Variants in RNF14 observed in about 807,000 individuals in gnomAD.
RNF14 encodes the protein E3 ubiquitin-protein ligase RNF14.
In RNF14, 26 loss-of-function variants were observed where a neutral mutation model predicts 52.6. The observed-to-expected ratio is 0.49, with a 90% confidence interval of 0.36 to 0.69. RNF14 has a LOEUF of 0.69. RNF14 is among the 30% of genes least tolerant of loss of function. The pLI, the probability that RNF14 is intolerant of heterozygous loss-of-function variation, is 0.00. For missense variants in RNF14, 404 were observed against 560.4 expected, an observed-to-expected ratio of 0.72 and a Z score of 2.82; for synonymous variants, 194 against 202.0, an observed-to-expected ratio of 0.96 and a Z score of 0.34.
chr5:141,984,727 C>G lies in RNF14; in HGVS notation c.1237-76C>G, dbSNP rs1237599281. 7 of 1,392,552 alleles carry G rather than the reference C, an allele frequency of 5.0e-6. No homozygotes were observed. The South Asian group carries it at 7.2e-5, about 14-fold the overall frequency. The allele number at this position is 1,392,552 out of a possible 1,614,324, so 86.3% of individuals were successfully genotyped here. ...GGGAGAGGACCAAGACAATGTTGTA[C>G]TGAATCATTTTGGCATGTGCTGTCT... On this transcript the variant is annotated intron_variant, in intron 7 of 8. Coordinates refer to ENST00000394520, the MANE Select transcript of RNF14 (RefSeq NM_004290.5).
upstream of RNF14, chr5:141,955,617 C>T: frequency 6.2e-7 from 1 of 1,611,594 alleles, no homozygotes; most frequent in Non-Finnish European, 8.5e-7. This position sits in a 1 kb window ranked among gnomAD's most constrained non-coding sequence, Gnocchi z 5.5. Flanking sequence ...CCCTGTTGTC[C>T]TTCTTTTCTG....
At chr5:141,964,672 G>C (rs548152329), upstream of RNF14, among the ~76,000 whole-genome samples, 224 of 152,142 alleles carry the variant, frequency 1.5e-3, no homozygotes, top group Non-Finnish European at 2.3e-3. Flanking sequence ...GGAGTGCAAT[G>C]GTGCGATCTG....
chr5:141,978,779 A>G lies in RNF14; in HGVS notation c.783A>G (p.Gln261=), dbSNP rs765963956. The change falls in exon 5 of 9, where the codon CAA becomes CAG. Residue 261 remains glutamine (Q), a synonymous_variant. Transcript: ENST00000394520. ...FEIQIRDGQV[Q]CLNCPEPKCP... ...TCCAGATCAGAGATGGCCAGGTTCA[A>G]TGCCTCAACTGCCCAGAACCAAAGT... 1.7e-5 allele frequency: 27 copies of G among 1,613,888 alleles called. No homozygotes were observed. Among genetic ancestry groups the G allele is most frequent in the Middle Eastern group, 3.3e-4 (2 of 6,078 alleles).
chr5:141,976,680 T>TC, intron 4 of RNF14, among the ~76,000 whole-genome samples: 1 of 152,196 alleles, frequency 6.6e-6, no homozygotes, highest in African/African-American at 2.4e-5. Context: ...GTTTTAGTTT[T>TC]CTAAAACCTT....
chr5:141,949,974 G>A, the RNF14 span, among the ~76,000 whole-genome samples: 1 of 152,298 alleles, frequency 6.6e-6, no homozygotes, highest in East Asian at 1.9e-4. Context: ...AAACCTCAGT[G>A]GAGCCAGTGC....
upstream of RNF14, among the ~76,000 whole-genome samples, chr5:141,962,867 G>A (rs1753286116): frequency 6.6e-6 from 1 of 152,090 alleles, no homozygotes; most frequent in Non-Finnish European, 1.5e-5. Flanking sequence ...ACTACTTCTG[G>A]TGTACAGATT....
intron 1 of RNF14, among the ~76,000 whole-genome samples, chr5:141,961,628 AT>A (rs530761478): frequency 3.9e-5 from 6 of 152,112 alleles, no homozygotes; most frequent in South Asian, 2.1e-4. Context: ...AGTCCAAAAT[AT>A]TTTTTTTAAA....
At chr5:141,970,336 G>A (rs1753635767) in intron 1 of RNF14, among the ~76,000 whole-genome samples, 1 of 152,124 alleles carries the variant, frequency 6.6e-6, no homozygotes, top group Admixed American at 6.6e-5. Flanking sequence ...AAACTGGAGG[G>A]GAGTGGCAAA....
In RNF14 at chr5:141,987,696, C is replaced by T. The variant is rs536594622; in HGVS notation, c.1368-37C>T. 36 of 1,600,294 alleles carry T rather than the reference C, an allele frequency of 2.2e-5. No individual in the cohort carries two copies. The South Asian group carries it at 3.6e-4, about 16-fold the overall frequency. ...GAGAGGCAATTTATATTGTTTCGTTCAAGTGTATAAAAATGTACCTTTTTT... is the reference window on the plus strand; with the variant it reads ...GAGAGGCAATTTATATTGTTTCGTTTAAGTGTATAAAAATGTACCTTTTTT... On this transcript the variant is annotated intron_variant, in intron 8 of 8. Transcript: ENST00000394520.
chr5:141,980,184 C>T lies in RNF14; in HGVS notation c.896C>T (p.Ser299Phe), dbSNP rs1476775454. 1.9e-6 allele frequency: 3 copies of T among 1,614,124 alleles called. No individual in the cohort carries two copies. Among genetic ancestry groups the T allele is most frequent in the Admixed American group, 3.3e-5 (2 of 60,006 alleles). The change falls in exon 6 of 9, where the codon TCC becomes TTC. Residue 299 changes from serine to phenylalanine, a missense_variant. Ser to Phe is a radical substitution (Grantham distance 155, BLOSUM62 -2). Transcript: ENST00000394520. The part of the protein sequence containing the change: ...ARYDRLLLQS[S>F]LDLMADVVYC... The stretch of plus-strand genomic sequence containing the variant: ...TATGACCGCCTTCTCCTCCAGTCCT[C>T]CTTGGACCTGATGGCAGATGTGGTG...
chr5:141,976,776 C>G (rs1219535379), intron 4 of RNF14, among the ~76,000 whole-genome samples: 4 of 100,080 alleles, frequency 4.0e-5, no homozygotes. Flanking sequence ...CTTTCTCTCT[C>G]TTTTTTTTTT....
chr5:141,983,484 G>GA lies in RNF14; in HGVS notation c.1169dup (p.Met391AspfsTer4). 1 of 1,613,436 alleles carries GA rather than the reference G, an allele frequency of 6.2e-7. No homozygotes were observed. The highest frequency in any genetic ancestry group is 8.5e-7 in the Non-Finnish European group (1 of 1,179,974). ...GAGAGTGATTCAGAAGGCACTGGAAGAGATGGAAAGTAAGGAGTGGCTAGA... is the reference window on the plus strand; with the variant it reads ...GAGAGTGATTCAGAAGGCACTGGAAGAAGATGGAAAGTAAGGAGTGGCTAGA... On this transcript the variant is annotated frameshift_variant, in exon 7 of 9. Transcript: ENST00000394520. LOFTEE classifies it high-confidence loss of function.
intron 7 of RNF14, among the ~76,000 whole-genome samples, chr5:141,983,911 C>T (rs1755003673): frequency 6.6e-6 from 1 of 151,952 alleles, no homozygotes; most frequent in African/African-American, 2.4e-5. Context: ...ATGCTGCACA[C>T]CTGTTTAAGA....
At chr5:141,973,840 G>C (rs1754012417) in intron 3 of RNF14, 98 bp downstream of exon 3, 4 of 1,045,638 alleles carry the variant, frequency 3.8e-6, no homozygotes, top group Middle Eastern at 3.2e-4. Context: ...ATTAGTGATA[G>C]GTGGTAGTAT....
chr5:141,973,715 C>T lies in RNF14; in HGVS notation c.127C>T (p.Pro43Ser). The T allele has an allele frequency of 6.2e-7, 1 of 1,608,522 alleles. No homozygotes were observed. The highest frequency in any genetic ancestry group is 8.5e-7 in the Non-Finnish European group (1 of 1,178,350). ...AGAAACCAGGATCTATTTGGATTTG[C>T]CACAGAATTTCAAGATATTTGTGAG... ...GGETRIYLDL[P>S]QNFKIFVSGN... The change falls in exon 3 of 9, where the codon CCA becomes TCA. Residue 43 changes from proline (P) to serine (S), a missense_variant. By Grantham distance (74) the Pro-to-Ser change is moderately conservative. Transcript: ENST00000394520.
Position 141,976,932 on chromosome 5 carries a change from G to T in RNF14, c.307-1371G>T, listed in dbSNP as rs534112302. 6.2e-4 allele frequency among the ~76,000 whole-genome samples: 95 copies of T among 152,140 alleles called. 1 individual carries two copies. Among genetic ancestry groups the T allele is most frequent in the Non-Finnish European group, 7.8e-4 (53 of 67,974 alleles). On this transcript the variant is annotated intron_variant, in intron 4 of 8. Transcript: ENST00000394520. ...GCCTCCCAAGTAGCTGGGAATACAG[G>T]CGCCCGCCACCACACCTGGCTAATT...
At chr5:141,967,578 G>A (rs1001420511), upstream of RNF14, among the ~76,000 whole-genome samples, 1 of 152,176 alleles carries the variant, frequency 6.6e-6, no homozygotes, top group Non-Finnish European at 1.5e-5. Context: ...GTGACTGCAC[G>A]GGTTGCTGGC....
upstream of RNF14, chr5:141,957,814 C>T (rs1405909214): frequency 6.2e-7 from 1 of 1,601,724 alleles, no homozygotes; most frequent in Middle Eastern, 1.7e-4. The surrounding 1 kb of genome is among the most constrained non-coding windows in gnomAD (Gnocchi z 4.3). Context: ...GCCACCTGGC[C>T]CCAAAAGCCC....
the RNF14 span, chr5:141,951,662 T>G: frequency 2.0e-5 from 21 of 1,070,152 alleles, no homozygotes; most frequent in Non-Finnish European, 2.9e-5. Flanking sequence ...GATGTTTCCC[T>G]CAATGCCGGT....
Sources: allele counts gnomAD v4.1 joint callset (sites outside exome capture counted in the v4.1 genomes callset), GRCh38; gene constraint gnomAD v4.1.1; non-coding constraint Gnocchi (gnomAD v3.1); transcripts MANE v1.5; gene names NCBI Gene and HGNC (gene_info 2026-07-23, HGNC 2026-07-21).